The following RAB8A variants were observed in gnomAD, a reference collection of about 807,000 sequenced individuals.
The protein encoded by RAB8A is ras-related protein Rab-8A.
RAB8A carries 5 observed loss-of-function variants against 29.2 expected under a neutral mutation model. That is an observed-to-expected ratio of 0.17 (90% CI 0.09 to 0.36). The LOEUF is 0.36. Ranked by LOEUF, RAB8A falls within the 10% of genes least tolerant of loss-of-function variation. The pLI is 1.00. For missense variants in RAB8A, 171 were observed against 272.2 expected, an observed-to-expected ratio of 0.63 and a Z score of 2.62; for synonymous variants, 108 against 99.9, an observed-to-expected ratio of 1.08 and a Z score of -0.49.
Position 16,132,069 on chromosome 19 carries a change from T to G in RAB8A, c.532-143T>G. On this transcript the variant is annotated intron_variant, in intron 7 of 7. Transcript: ENST00000300935. This position sits in a 1 kb window ranked among gnomAD's most constrained non-coding sequence, Gnocchi z 5.6. ...TGGTTGGTTTGGCTGGTTTGATTGG[T>G]TTGGTTGTTTGGTTGGTTGGTTGGT... 1 of 659,860 alleles carries G rather than the reference T, an allele frequency of 1.5e-6. No homozygotes were observed. Among genetic ancestry groups the G allele is most frequent in the Non-Finnish European group, 2.7e-6 (1 of 373,754 alleles). 40.9% of individuals were successfully genotyped at this position (659,860 alleles called of 1,614,324 possible).
chr19:16,114,464 C>G (rs1263133753), intron 1 of RAB8A, among the ~76,000 whole-genome samples: 2 of 149,892 alleles, frequency 1.3e-5, no homozygotes, highest in African/African-American at 4.9e-5. Context: ...GCAACTTCCA[C>G]CTCCCAGGTT....
chr19:16,112,283 C>T (rs1003760319), intron 1 of RAB8A: 44 of 501,912 alleles, frequency 8.8e-5, no homozygotes, highest in Middle Eastern at 1.1e-3. Context: ...CGTGTTATGT[C>T]TTGGGCTGGG....
chr19:16,129,993 G>A (rs896740803), intron 7 of RAB8A, among the ~76,000 whole-genome samples: 1 of 152,108 alleles, frequency 6.6e-6, no homozygotes, highest in African/African-American at 2.4e-5. Flanking sequence ...TCATCGTCTT[G>A]ACAAGCATGG....
Position 16,132,356 on chromosome 19 carries a change from C to G in RAB8A, c.*52C>G. The G allele has an allele frequency of 6.4e-7, 1 of 1,574,098 alleles. No individual in the cohort carries two copies. The highest frequency in any genetic ancestry group is 8.7e-7 in the Non-Finnish European group (1 of 1,152,356). On this transcript the variant is annotated 3_prime_UTR_variant, in exon 8 of 8. Coordinates refer to ENST00000300935, the MANE Select transcript of RAB8A (RefSeq NM_005370.5). This position sits in a 1 kb window ranked among gnomAD's most constrained non-coding sequence, Gnocchi z 5.6. ...CTCAGCCCAGCTGACTGTGCCTGTT[C>G]TGAGTGAGCCCCTCACTCAGCCGGG... is the stretch of plus-strand genomic sequence containing the variant.
chr19:16,128,945 G>A lies in RAB8A; in HGVS notation c.481-609G>A, dbSNP rs184537634. Among the ~76,000 whole-genome samples the A allele has an allele frequency of 2.6e-4, 40 of 152,248 alleles. No homozygotes were observed. In the East Asian group the frequency reaches 7.1e-3, roughly 27 times the overall value. On this transcript the variant is annotated intron_variant, in intron 6 of 7. Transcript: ENST00000300935. The stretch of plus-strand genomic sequence containing the variant: ...GATGTATGTTGGGATCACGCCTCCC[G>A]CCATCTCTGTATGTCCCCTCCTCAA...
Position 16,125,701 on chromosome 19 carries a change from G to A in RAB8A, c.324+154G>A. The A allele has an allele frequency of 1.3e-6, 1 of 778,868 alleles. No homozygotes were observed. Among genetic ancestry groups the A allele is most frequent in the Non-Finnish European group, 2.2e-6 (1 of 452,956 alleles). The allele number at this position is 778,868 out of a possible 1,614,324, so 48.2% of individuals were successfully genotyped here. A position where few individuals can be genotyped will look rare whatever the true frequency, so the allele number is the denominator to read the frequency against. On this transcript the variant is annotated intron_variant, in intron 4 of 7. Transcript: ENST00000300935. The surrounding 1 kb of genome is among the most constrained non-coding windows in gnomAD (Gnocchi z 5.0). ...ACATGGTGGGAGCAGGGACTGAGAT[G>A]CAAGCAGCCGGCCCCAGGGACCACA...
At chr19:16,128,333 G>A (rs2090910905) in intron 6 of RAB8A, among the ~76,000 whole-genome samples, 1 of 152,188 alleles carries the variant, frequency 6.6e-6, no homozygotes, top group African/African-American at 2.4e-5. Flanking sequence ...GCATCTCACG[G>A]GCTCTTGGGC....
intron 7 of RAB8A, among the ~76,000 whole-genome samples, chr19:16,131,616 G>A (rs977377523): frequency 2.0e-5 from 3 of 151,730 alleles, no homozygotes; most frequent in African/African-American, 7.3e-5. Flanking sequence ...GAAAGGGATG[G>A]ATGGATGGTT....
chr19:16,127,955 C>G lies in RAB8A; in HGVS notation c.415-71C>G. On this transcript the variant is annotated intron_variant, in intron 5 of 7. Coordinates refer to ENST00000300935, the MANE Select transcript of RAB8A (RefSeq NM_005370.5). This position sits in a 1 kb window ranked among gnomAD's most constrained non-coding sequence, Gnocchi z 4.8. ...CTCTTGGCGCCGGCCCTGCCTTCAGCTCCTGTTTTAGGCAAGCTCAGATGC... is the reference window on the plus strand; with the variant it reads ...CTCTTGGCGCCGGCCCTGCCTTCAGGTCCTGTTTTAGGCAAGCTCAGATGC... The G allele has an allele frequency of 2.6e-6, 4 of 1,529,830 alleles. No homozygotes were observed. Among genetic ancestry groups the G allele is most frequent in the Non-Finnish European group, 3.6e-6 (4 of 1,103,746 alleles). 94.8% of individuals were successfully genotyped at this position (1,529,830 alleles called of 1,614,324 possible).
intron 2 of RAB8A, among the ~76,000 whole-genome samples, chr19:16,119,886 T>TCACTGCAAC (rs1323255312): frequency 2.0e-5 from 3 of 152,098 alleles, no homozygotes; most frequent in African/African-American, 7.2e-5. Context: ...CGATTTTGGC[T>TCACTGCAAC]CACTGCAACC....
chr19:16,118,741 C>T (rs1263484380), intron 2 of RAB8A, among the ~76,000 whole-genome samples: 1 of 152,188 alleles, frequency 6.6e-6, no homozygotes, highest in African/African-American at 2.4e-5. Context: ...CTGGGGCAGG[C>T]CTGGCCTCCC....
chr19:16,121,921 T>C, intron 3 of RAB8A, 111 bp downstream of exon 3: 1 of 1,015,770 alleles, frequency 9.8e-7, no homozygotes, highest in South Asian at 1.4e-5. Context: ...GTGCCCCAAC[T>C]CCTCAGGGCT....
At chr19:16,120,922 C>CTT (rs59556140) in intron 2 of RAB8A, among the ~76,000 whole-genome samples, 1,995 of 142,476 alleles carry the variant, frequency 0.014, 50 homozygotes, top group African/African-American at 0.044. Context: ...GTTAGGTTAC[C>CTT]TTTTTTTTTT....
At chr19:16,118,418 C>T (rs895295522) in intron 2 of RAB8A, 132 bp downstream of exon 2, 2 of 796,494 alleles carry the variant, frequency 2.5e-6, no homozygotes, top group African/African-American at 1.7e-5. Flanking sequence ...GCACATGGGG[C>T]TTTCTCCAGA....
chr19:16,132,259 G>T lies in RAB8A; in HGVS notation c.579G>T (p.Pro193=), dbSNP rs775284788. 6.2e-7 allele frequency: 1 copy of T among 1,613,984 alleles called. No homozygotes were observed. Among genetic ancestry groups the T allele is most frequent in the African/African-American group, 1.3e-5 (1 of 74,906 alleles). Residue 193 remains proline, a synonymous_variant, in exon 8 of 8, where the codon CCG becomes CCT. Coordinates refer to ENST00000300935, the MANE Select transcript of RAB8A (RefSeq NM_005370.5). This position sits in a 1 kb window ranked among gnomAD's most constrained non-coding sequence, Gnocchi z 5.6. ...GCAACCAGGGAGTCAAAATCACACC[G>T]GACCAGCAGAAGAGGAGCAGCTTTT... ...QGSNQGVKIT[P]DQQKRSSFFR...
At position 16,132,769 on chromosome 19, in the gene RAB8A, C is replaced by T. The variant is rs577690944; in HGVS notation, c.*465C>T. 23 of 158,956 alleles carry T rather than the reference C, an allele frequency of 1.4e-4. No homozygotes were observed. The highest frequency in any genetic ancestry group is 3.3e-3 in the Middle Eastern group (1 of 304). 9.8% of individuals were successfully genotyped at this position (158,956 alleles called of 1,614,324 possible). ...GCTCCCAAACCCTGAGCAAGGCAAC[C>T]GATCGCCAGGACCAGGAAGCATCAC... On this transcript the variant is annotated 3_prime_UTR_variant, in exon 8 of 8. Transcript: ENST00000300935. The surrounding 1 kb of genome is among the most constrained non-coding windows in gnomAD (Gnocchi z 5.6).
chr19:16,116,732 G>A (rs1234277656), intron 1 of RAB8A, among the ~76,000 whole-genome samples: 1 of 152,122 alleles, frequency 6.6e-6, no homozygotes, highest in Non-Finnish European at 1.5e-5. Flanking sequence ...CTACTTGGGA[G>A]GCTGTGGCAG....
rs1403229393 is a variant in RAB8A, at chr19:16,125,225, G to C, written c.247-245G>C. On this transcript the variant is annotated intron_variant, in intron 3 of 7. Transcript: ENST00000300935. This position sits in a 1 kb window ranked among gnomAD's most constrained non-coding sequence, Gnocchi z 5.0. ...GCAGGGGCTGGCCTGTGAGGCAGAA[G>C]GGTCACCTCAGCGGCCCGGGGGGCA... 3.5e-6 allele frequency: 2 copies of C among 572,892 alleles called. No individual in the cohort carries two copies. The highest frequency in any genetic ancestry group is 1.9e-5 in the African/African-American group (1 of 53,372). The allele number at this position is 572,892 out of a possible 1,614,324, so 35.5% of individuals were successfully genotyped here. A position where few individuals can be genotyped will look rare whatever the true frequency, so the allele number is the denominator to read the frequency against.
At chr19:16,112,699 G>A (rs1180528973) in intron 1 of RAB8A, 1 of 152,914 alleles carries the variant, frequency 6.5e-6, no homozygotes, top group African/African-American at 2.4e-5. Context: ...CTCAGCTAAT[G>A]CACCTTGGAG....
Sources: gnomAD v4.1 joint callset for allele counts (sites outside exome capture counted in the v4.1 genomes callset) on GRCh38, gnomAD v4.1.1 for gene constraint, Gnocchi (gnomAD v3.1) non-coding constraint, MANE v1.5 for transcripts, NCBI Gene and HGNC (gene_info 2026-07-23, HGNC 2026-07-21) for gene names.